TENM3: variants seen among roughly 807,000 people sequenced by gnomAD.
TENM3 encodes the protein teneurin transmembrane protein 3, also known as teneurin-3.
A neutral mutation model predicts 255.1 loss-of-function variants in TENM3; 63 were observed. That is an observed-to-expected ratio of 0.25 (90% CI 0.20 to 0.30). The LOEUF is 0.30. TENM3 is among the 10% of genes least tolerant of loss of function. The pLI, the probability that TENM3 is intolerant of heterozygous loss-of-function variation, is 1.00. For missense variants in TENM3, 2,929 were observed against 3,461.1 expected (o/e 0.85, Z 3.86); for synonymous variants, 1,306 against 1,322.3 (o/e 0.99, Z 0.27).
the TENM3 span, among the ~76,000 whole-genome samples, chr4:181,448,407 G>A: frequency 6.6e-6 from 1 of 151,760 alleles, no homozygotes; most frequent in Non-Finnish European, 1.5e-5. Context: ...TCCTGACCTC[G>A]TGATCCGCCC....
At chr4:182,569,061 T>C (rs1744078477) in intron 3 of TENM3, among the ~76,000 whole-genome samples, 1 of 152,136 alleles carries the variant, frequency 6.6e-6, no homozygotes, top group Non-Finnish European at 1.5e-5. Flanking sequence ...GCTATCTTGT[T>C]TTGGATGGCC....
chr4:181,888,540 A>ATACATACATATATGTG, the TENM3 span, among the ~76,000 whole-genome samples: 2 of 121,686 alleles, frequency 1.6e-5, no homozygotes, highest in African/African-American at 6.3e-5. Context: ...ATATGTGTAT[A>ATACATACATATATGTG]TATATATATG....
chr4:182,162,489 G>C (rs1462475633), intron 1 of TENM3, among the ~76,000 whole-genome samples: 1 of 152,182 alleles, frequency 6.6e-6, no homozygotes, highest in African/African-American at 2.4e-5. Flanking sequence ...GGAAGAGAGA[G>C]GAATGTATAG....
At chr4:182,784,056 CGTCA>C (rs1765403840) in intron 24 of TENM3, among the ~76,000 whole-genome samples, 1 of 152,178 alleles carries the variant, frequency 6.6e-6, no homozygotes. Flanking sequence ...ACTCTCAGCT[CGTCA>C]GTCATTCTCC....
chr4:182,348,866 G>A (rs1765000121), intron 3 of TENM3, among the ~76,000 whole-genome samples: 1 of 152,088 alleles, frequency 6.6e-6, no homozygotes, highest in Non-Finnish European at 1.5e-5. Context: ...GAGAAGGGAA[G>A]GAAGACTTGT....
chr4:181,582,425 C>G, the TENM3 span, among the ~76,000 whole-genome samples: 1 of 152,236 alleles, frequency 6.6e-6, no homozygotes, highest in East Asian at 1.9e-4. Flanking sequence ...GAGGCCCAGG[C>G]AGGTGCAGTT....
At chr4:182,615,150 C>T (rs750930115) in intron 4 of TENM3, among the ~76,000 whole-genome samples, 3 of 148,698 alleles carry the variant, frequency 2.0e-5, no homozygotes, top group Non-Finnish European at 3.0e-5. Flanking sequence ...TGTGCTTACA[C>T]GTTACATTTA....
chr4:181,734,961 A>C, the TENM3 span, among the ~76,000 whole-genome samples: 2 of 152,198 alleles, frequency 1.3e-5, no homozygotes, highest in Admixed American at 1.3e-4. Context: ...AAACACTCTC[A>C]ATGTTCTTTA....
At chr4:181,797,700 C>T in the TENM3 span, among the ~76,000 whole-genome samples, 7 of 152,246 alleles carry the variant, frequency 4.6e-5, no homozygotes, top group South Asian at 6.2e-4. Context: ...CCATAGGCTT[C>T]GCAGTGATTA....
At chr4:182,407,608 T>A (rs1769675192) in intron 3 of TENM3, among the ~76,000 whole-genome samples, 2 of 152,206 alleles carry the variant, frequency 1.3e-5, no homozygotes, top group African/African-American at 4.8e-5. Context: ...AATGAATGAA[T>A]GAATGAATTT....
At chr4:182,137,024 G>T in the TENM3 span, among the ~76,000 whole-genome samples, 5 of 151,820 alleles carry the variant, frequency 3.3e-5, no homozygotes, top group African/African-American at 9.7e-5. Flanking sequence ...CAATTGTCCA[G>T]CTAATTCTTG....
intron 3 of TENM3, among the ~76,000 whole-genome samples, chr4:182,355,511 T>C (rs141165778): frequency 1.2e-3 from 190 of 152,342 alleles, no homozygotes; most frequent in African/African-American, 4.3e-3. Flanking sequence ...TTCACTGTTG[T>C]ACCTCTGTGC....
At chr4:182,757,040 C>T (rs1353741694) in intron 22 of TENM3, among the ~76,000 whole-genome samples, 2 of 151,984 alleles carry the variant, frequency 1.3e-5, no homozygotes, top group African/African-American at 2.4e-5. Flanking sequence ...AGGCCGGGCG[C>T]GGTGGCTCAC....
At chr4:181,680,799 C>T in the TENM3 span, among the ~76,000 whole-genome samples, 1 of 151,962 alleles carries the variant, frequency 6.6e-6, no homozygotes, top group African/African-American at 2.4e-5. Flanking sequence ...ACAGATGCAT[C>T]GTTAATCTCA....
chr4:182,156,866 A>T lies in TENM3; in HGVS notation c.-76+12112A>T, dbSNP rs905934931. Among the ~76,000 whole-genome samples, 4 of 152,286 alleles carry T rather than the reference A, an allele frequency of 2.6e-5. 1 individual carries two copies. The South Asian group carries it at 8.3e-4, about 32-fold the overall frequency. On this transcript the variant is annotated intron_variant, in intron 1 of 2. Coordinates refer to the TENM3 transcript ENST00000512480. ...TGTGTCCAAGTGGCTGTGTCCTGGGAAAGATGAGAAGAAATAAGGCCTGAT... is the reference window on the plus strand; with the variant it reads ...TGTGTCCAAGTGGCTGTGTCCTGGGTAAGATGAGAAGAAATAAGGCCTGAT...
chr4:182,425,979 G>A (rs1771177708), intron 3 of TENM3, among the ~76,000 whole-genome samples: 1 of 123,588 alleles, frequency 8.1e-6, no homozygotes, highest in Non-Finnish European at 1.6e-5. Flanking sequence ...TTGCACTCCA[G>A]CCTAAGAGAC....
At chr4:182,474,209 A>AC (rs1475282105) in intron 3 of TENM3, among the ~76,000 whole-genome samples, 1 of 152,138 alleles carries the variant, frequency 6.6e-6, no homozygotes, top group Non-Finnish European at 1.5e-5. Flanking sequence ...GAAATTTTTT[A>AC]CTCACAGGAT....
the TENM3 span, among the ~76,000 whole-genome samples, chr4:181,714,883 C>T: frequency 0.16 from 24,278 of 152,036 alleles, 2,795 homozygotes; most frequent in African/African-American, 0.33. Flanking sequence ...TAGGAAACTT[C>T]GCAAAGTTTT....
the TENM3 span, among the ~76,000 whole-genome samples, chr4:182,088,713 A>C: frequency 2.0e-5 from 3 of 152,032 alleles, no homozygotes; most frequent in Non-Finnish European, 4.4e-5. Flanking sequence ...AAGCGCCTGT[A>C]GTCCCAGCTA....
Sources: gnomAD v4.1 joint callset for allele counts (sites outside exome capture counted in the v4.1 genomes callset) on GRCh38, gnomAD v4.1.1 for gene constraint, MANE v1.5 for transcripts, NCBI Gene and HGNC (gene_info 2026-07-23, HGNC 2026-07-21) for gene names.